Variants in SAMD11 observed in about 807,000 individuals in gnomAD.
The protein encoded by SAMD11 is sterile alpha motif domain-containing protein 11.
SAMD11 carries 77 observed loss-of-function variants against 64.4 expected under a neutral mutation model. The ratio of observed to expected loss-of-function variants is 1.20; its 90% confidence interval spans 0.99 to 1.44. The LOEUF (loss-of-function observed/expected upper bound fraction) is 1.44, where lower values mean the gene tolerates loss of function less well. Among genes scored for constraint, SAMD11 ranks in the 40% most tolerant of loss-of-function variants. The pLI is 0.00. For missense variants in SAMD11, 1,402 were observed against 943.3 expected (o/e 1.49, Z -6.37); for synonymous variants, 658 against 421.9 (o/e 1.56, Z -6.86).
chr1:925,714 C>G (rs1640850806), intron 1 of SAMD11: 1 of 517,442 alleles, frequency 1.9e-6, no homozygotes, highest in Non-Finnish European at 3.5e-6. Flanking sequence ...GGAGGGCGCT[C>G]CACCCGGGCT....
rs1005814595 is a variant in SAMD11, at chr1:941,159, G to C, written c.1211G>C (p.Arg404Pro). 6.2e-7 allele frequency: 1 copy of C among 1,600,156 alleles called. No homozygotes were observed. The highest frequency in any genetic ancestry group is 8.5e-7 in the Non-Finnish European group (1 of 1,174,326). Residue 404 changes from arginine to proline, a missense_variant, in exon 8 of 14, where the codon CGG becomes CCG. Transcript: ENST00000616016. ...GLPSHDLLRV[R>P]QEVAAAALRG... ...CCCCACCCAGATCTCCTGAGGGTCC[G>C]GCAGGAGGTGGCGGCTGCAGCTCTG...
Position 930,220 on chromosome 1 carries a change from G to A in SAMD11, c.675G>A (p.Glu225=), listed in dbSNP as rs2100306518. 6.3e-7 allele frequency: 1 copy of A among 1,586,728 alleles called. No homozygotes were observed. Among genetic ancestry groups the A allele is most frequent in the Non-Finnish European group, 8.6e-7 (1 of 1,166,812 alleles). ...CTGCCGCCCGGAACCTGAAGAAGGAGCGAACTCCCAGCTTCTCTGCCAGCG... is the reference window on the plus strand; with the variant it reads ...CTGCCGCCCGGAACCTGAAGAAGGAACGAACTCCCAGCTTCTCTGCCAGCG... ...ALPAARNLKK[E]RTPSFSASDG... is the part of the protein sequence containing the mutation. Residue 225 remains glutamate (E), a synonymous_variant, in exon 3 of 14, where the codon GAG becomes GAA. Transcript: ENST00000616016.
intron 5 of SAMD11, among the ~76,000 whole-genome samples, chr1:936,713 T>A (rs769517398): frequency 2.6e-5 from 4 of 152,016 alleles, no homozygotes; most frequent in Non-Finnish European, 5.9e-5. Context: ...CCCATCTGTG[T>A]CCCCCATCCA....
At chr1:938,650 G>A (rs553044462) in intron 5 of SAMD11, among the ~76,000 whole-genome samples, 1 of 152,312 alleles carries the variant, frequency 6.6e-6, no homozygotes, top group East Asian at 1.9e-4. Flanking sequence ...ACCCTGCACA[G>A]CCCGCCCTCA....
At position 930,210 on chromosome 1, in the gene SAMD11, TGAA is replaced by T. The variant is rs1181839556; in HGVS notation, c.670_672del (p.Lys224del). 14 of 1,579,404 alleles carry T rather than the reference TGAA, an allele frequency of 8.9e-6. No individual in the cohort carries two copies. Among genetic ancestry groups the T allele is most frequent in the East Asian group, 2.3e-5 (1 of 43,158 alleles). ...GTCGCCCTGCCTGCCGCCCGGAACCTGAAGAAGGAGCGAACTCCCAGCTTCTCT... is the reference window on the plus strand; with the variant it reads ...GTCGCCCTGCCTGCCGCCCGGAACCTGAAGGAGCGAACTCCCAGCTTCTCT... On this transcript the variant is annotated inframe_deletion, in exon 3 of 14. Transcript: ENST00000616016.
chr1:936,008 C>CG lies in SAMD11; in HGVS notation c.967+114dup, dbSNP rs1273222230. On this transcript the variant is annotated intron_variant, in intron 5 of 13. Coordinates refer to ENST00000616016, the MANE Select transcript of SAMD11 (RefSeq NM_001385641.1). ...CAGGCAGCCAGAGAGGCAGGAGGAGCGGCCTGTCCCCCAGGGGCTGCATGG... is the reference window on the plus strand; with the variant it reads ...CAGGCAGCCAGAGAGGCAGGAGGAGCGGGCCTGTCCCCCAGGGGCTGCATGG... 5.2e-6 allele frequency: 6 copies of CG among 1,144,848 alleles called. No homozygotes were observed. The East Asian group carries it at 7.8e-5, about 15-fold the overall frequency. 70.9% of individuals were successfully genotyped at this position (1,144,848 alleles called of 1,614,324 possible). A position where few individuals can be genotyped will look rare whatever the true frequency, so the allele number is the denominator to read the frequency against.
intron 2 of SAMD11, among the ~76,000 whole-genome samples, chr1:929,375 A>G (rs2340589): frequency 0.83 from 126,248 of 152,154 alleles, 56,213 homozygotes; most frequent in Non-Finnish European, 0.99. Context: ...TTTGCGGAAC[A>G]GGGGACCTGG....
At chr1:941,387 C>A (rs933709614) in intron 8 of SAMD11, 81 bp downstream of exon 8, 49 of 1,337,596 alleles carry the variant, frequency 3.7e-5, no homozygotes, top group Admixed American at 1.3e-4. Flanking sequence ...GCACGCGCCC[C>A]GAGAGTGCCA....
intron 2 of SAMD11, among the ~76,000 whole-genome samples, chr1:928,483 G>A (rs35854196): frequency 0.17 from 25,128 of 152,284 alleles, 4,538 homozygotes; most frequent in African/African-American, 0.43. Flanking sequence ...GAGCTAAGCG[G>A]GACTTCCCAG....
intron 7 of SAMD11, 26 bp from the exon 8 acceptor site, chr1:941,118 G>A (rs778660533): frequency 7.7e-6 from 12 of 1,565,366 alleles, no homozygotes; most frequent in Non-Finnish European, 1.0e-5. Flanking sequence ...TAGCCGGGGG[G>A]ATCACTGCTG....
rs982282208 is a variant in SAMD11, at chr1:940,300, C to G, written c.1196-844C>G. 10 of 142,292 alleles carry G rather than the reference C, an allele frequency of 7.0e-5. No individual in the cohort carries two copies. In the South Asian group the frequency reaches 1.6e-3, roughly 22 times the overall value. The allele number at this position is 142,292 out of a possible 1,614,324, so 8.8% of individuals were successfully genotyped here. A position where few individuals can be genotyped will look rare whatever the true frequency, so the allele number is the denominator to read the frequency against. On this transcript the variant is annotated intron_variant, in intron 7 of 13. Coordinates refer to ENST00000616016, the MANE Select transcript of SAMD11 (RefSeq NM_001385641.1). Reference sequence around the variant, plus strand: ...TGTCAATCAGGCCGCGCCGCCGCCCCCCCCCCCCGCCCCGCCGCGGAGCCG... The same window carrying G: ...TGTCAATCAGGCCGCGCCGCCGCCCGCCCCCCCCGCCCCGCCGCGGAGCCG...
At position 941,422 on chromosome 1, in the gene SAMD11, G is replaced by T. The variant is rs868754457; in HGVS notation, c.1358+116G>T. The T allele has an allele frequency of 5.4e-6, 6 of 1,109,520 alleles. No homozygotes were observed. In the South Asian group the frequency reaches 9.9e-5, roughly 18 times the overall value. The allele number at this position is 1,109,520 out of a possible 1,614,324, so 68.7% of individuals were successfully genotyped here. On this transcript the variant is annotated intron_variant, in intron 8 of 13. Coordinates refer to ENST00000616016, the MANE Select transcript of SAMD11 (RefSeq NM_001385641.1). ...AAGCACTGTGTTCAGCTCTAGGTTC[G>T]GGTCCGGGCAGAGCGTTTCGGGGGT...
chr1:935,297 G>A (rs1342148080), intron 4 of SAMD11, among the ~76,000 whole-genome samples: 1 of 152,156 alleles, frequency 6.6e-6, no homozygotes, highest in African/African-American at 2.4e-5. Flanking sequence ...TCAGCTGCAG[G>A]ACTGTGGTCT....
In SAMD11 at chr1:936,272, C is replaced by CCGGT. The variant is rs772788165; in HGVS notation, c.967+378_967+381dup. 1.8e-3 allele frequency among the ~76,000 whole-genome samples: 247 copies of CCGGT among 135,672 alleles called. 7 individuals are homozygous for CCGGT. The highest frequency in any genetic ancestry group is 6.7e-3 in the African/African-American group (216 of 32,322). 89.0% of individuals were successfully genotyped at this position (135,672 alleles called of 152,430 possible). ...TAGGGCTCCTGGACGGAAGGGGTCCCCGGTCCCGCCTCCTAGGGCTCCTGG... is the reference window on the plus strand; with the variant it reads ...TAGGGCTCCTGGACGGAAGGGGTCCCCGGTCGGTCCCGCCTCCTAGGGCTCCTGG... On this transcript the variant is annotated intron_variant, in intron 5 of 13. Coordinates refer to ENST00000616016, the MANE Select transcript of SAMD11 (RefSeq NM_001385641.1).
rs74047409 is a variant in SAMD11 at position 932,062 on chromosome 1, C to T, written c.842+973C>T. ...ACGCCAGATGTGTTATTATTTATGTCTCTGAGAATGTCTGGATCTCAGAGC... is the reference window on the plus strand; with the variant it reads ...ACGCCAGATGTGTTATTATTTATGTTTCTGAGAATGTCTGGATCTCAGAGC... On this transcript the variant is annotated intron_variant, in intron 4 of 13. Coordinates refer to ENST00000616016, the MANE Select transcript of SAMD11 (RefSeq NM_001385641.1). 8.4e-3 allele frequency among the ~76,000 whole-genome samples: 1,281 copies of T among 152,364 alleles called. 12 individuals carry two copies. The highest frequency in any genetic ancestry group is 0.028 in the African/African-American group (1,178 of 41,572).
chr1:942,210 C>T lies in SAMD11; in HGVS notation c.1433C>T (p.Pro478Leu), dbSNP rs1453804562. 5.1e-6 allele frequency: 7 copies of T among 1,364,270 alleles called. No individual in the cohort carries two copies. The highest frequency in any genetic ancestry group is 6.0e-5 in the Admixed American group (2 of 33,106). 84.5% of individuals were successfully genotyped at this position (1,364,270 alleles called of 1,614,324 possible). A position where few individuals can be genotyped will look rare whatever the true frequency, so the allele number is the denominator to read the frequency against. The change falls in exon 9 of 14, where the codon CCC (proline) becomes CTC (leucine). Residue 478 changes from proline (P) to leucine (L), a missense_variant. Coordinates refer to ENST00000616016, the MANE Select transcript of SAMD11 (RefSeq NM_001385641.1). Reference sequence around the variant, plus strand: ...GTCGCCCTGGGCCCCCATCTCAGGCCCCCCTTCCTGGGGGTGCCCTCGGCT... The same window carrying T: ...GTCGCCCTGGGCCCCCATCTCAGGCTCCCCTTCCTGGGGGTGCCCTCGGCT... ...PHVALGPHLR[P>L]PFLGVPSALC... is the part of the protein sequence containing the mutation.
chr1:930,377 A>G (rs1641114905), intron 3 of SAMD11, 41 bp downstream of exon 3: 2 of 1,552,670 alleles, frequency 1.3e-6, no homozygotes, highest in Non-Finnish European at 1.7e-6. Context: ...CAAGGCTCAG[A>G]TGGGGCTGGA....
intron 2 of SAMD11, among the ~76,000 whole-genome samples, chr1:928,774 G>A (rs1641029028): frequency 6.6e-6 from 1 of 152,262 alleles, no homozygotes. Context: ...GTGGCTCTGG[G>A]ACGGGGGCCT....
At position 942,252 on chromosome 1, in the gene SAMD11, G is replaced by A. The variant is rs754807700; in HGVS notation, c.1474+1G>A. On this transcript the variant is annotated splice_donor_variant, in intron 9 of 13. Coordinates refer to ENST00000616016, the MANE Select transcript of SAMD11 (RefSeq NM_001385641.1). LOFTEE classifies it high-confidence loss of function. ...CCCTCGGCTCTGTGCCAGACCCCAG[G>A]TGAGGAGGCGGGTGCGCATCCCCTG... is the stretch of plus-strand genomic sequence containing the variant. 5.6e-6 allele frequency: 7 copies of A among 1,239,610 alleles called. No homozygotes were observed. The highest frequency in any genetic ancestry group is 3.0e-5 in the East Asian group (1 of 33,316). 76.8% of individuals were successfully genotyped at this position (1,239,610 alleles called of 1,614,324 possible).
Sources: allele counts gnomAD v4.1 joint callset (sites outside exome capture counted in the v4.1 genomes callset), GRCh38; gene constraint gnomAD v4.1.1; transcripts MANE v1.5; gene names NCBI Gene and HGNC (gene_info 2026-07-23, HGNC 2026-07-21).